ANK2: variants seen among roughly 807,000 people sequenced by gnomAD.
The protein encoded by ANK2 is ankyrin 2.
In ANK2, 83 loss-of-function variants were observed where a neutral mutation model predicts 360.5. The ratio of observed to expected loss-of-function variants is 0.23; its 90% confidence interval spans 0.19 to 0.28. The LOEUF (loss-of-function observed/expected upper bound fraction) is 0.28, where lower values mean the gene tolerates loss of function less well. Ranked by LOEUF, ANK2 falls within the 10% of genes least tolerant of loss-of-function variation. The pLI is 1.00. For missense variants in ANK2, 4,201 were observed against 4,795.7 expected (o/e 0.88, Z 3.66); for synonymous variants, 1,740 against 1,759.5 (o/e 0.99, Z 0.28).
chr4:113,261,215 CAGA>C (rs976404003), intron 13 of ANK2, among the ~76,000 whole-genome samples: 2 of 151,948 alleles, frequency 1.3e-5, no homozygotes, highest in Non-Finnish European at 2.9e-5. Context: ...TCTCCTTTTC[CAGA>C]AGGTTTATTA....
chr4:112,985,777 A>T (rs966040005), intron 2 of ANK2, among the ~76,000 whole-genome samples: 1 of 152,078 alleles, frequency 6.6e-6, no homozygotes, highest in African/African-American at 2.4e-5. Flanking sequence ...AGATTCAGGG[A>T]CAGTAGGCAT....
intron 37 of ANK2, among the ~76,000 whole-genome samples, 185 bp from the exon 38 acceptor site, chr4:113,352,860 T>TC (rs2095504943): frequency 6.6e-6 from 1 of 152,116 alleles, no homozygotes; most frequent in Admixed American, 6.6e-5. Flanking sequence ...GTTTTTTTTT[T>TC]CGTTAGCCTT....
intron 26 of ANK2, among the ~76,000 whole-genome samples, chr4:113,319,491 A>G (rs2084810264): frequency 6.6e-6 from 1 of 151,628 alleles, no homozygotes; most frequent in African/African-American, 2.4e-5. Context: ...TTATCCCCAA[A>G]TCCTTATCCA....
At chr4:113,062,382 C>T (rs142775980) in intron 1 of ANK2, among the ~76,000 whole-genome samples, 89 of 151,978 alleles carry the variant, frequency 5.9e-4, no homozygotes, top group African/African-American at 2.1e-3. Context: ...ATTTTTACTG[C>T]TTGAATTGGT....
intron 2 of ANK2, among the ~76,000 whole-genome samples, chr4:112,983,625 A>G (rs2043862775): frequency 6.6e-6 from 1 of 152,098 alleles, no homozygotes; most frequent in African/African-American, 2.4e-5. Flanking sequence ...TGGTGACCCA[A>G]GATCTCACCA....
At chr4:113,316,630 T>C (rs971364151) in intron 24 of ANK2, among the ~76,000 whole-genome samples, 24 of 152,266 alleles carry the variant, frequency 1.6e-4, no homozygotes, top group Non-Finnish European at 1.5e-5. Flanking sequence ...ATCTCCTTTT[T>C]TTCCCTTATG....
chr4:113,372,984 A>G (rs2096793036), intron 43 of ANK2, 106 bp from the exon 44 acceptor site: 3 of 1,012,900 alleles, frequency 3.0e-6, no homozygotes, highest in Admixed American at 1.7e-5. Flanking sequence ...ATGCTTCTCA[A>G]CATCGCCTTT....
chr4:112,917,859 A>C (rs1468131094), intron 2 of ANK2, among the ~76,000 whole-genome samples: 3 of 152,222 alleles, frequency 2.0e-5, no homozygotes, highest in Non-Finnish European at 4.4e-5. Flanking sequence ...GTGGGAACAA[A>C]ATACTAGCCA....
intron 2 of ANK2, among the ~76,000 whole-genome samples, chr4:112,994,456 C>G (rs1466000068): frequency 6.6e-6 from 1 of 152,138 alleles, no homozygotes; most frequent in Non-Finnish European, 1.5e-5. Context: ...GCTAGGTCAA[C>G]AATTCATAGG....
At chr4:113,310,284 C>CT (rs2079233203) in intron 23 of ANK2, among the ~76,000 whole-genome samples, 2 of 151,710 alleles carry the variant, frequency 1.3e-5, no homozygotes, top group Non-Finnish European at 2.9e-5. Context: ...TTAGGAGAAG[C>CT]AAGATGAAAT....
the ANK2 span, chr4:112,706,757 T>C: frequency 2.0e-5 from 3 of 152,294 alleles, no homozygotes; most frequent in South Asian, 6.2e-4. Flanking sequence ...TGCAGCCCTG[T>C]ATCCTGCATT....
chr4:112,999,807 AAAG>A (rs976060970), intron 2 of ANK2, among the ~76,000 whole-genome samples: 22 of 152,212 alleles, frequency 1.4e-4, no homozygotes, highest in African/African-American at 5.3e-4. Context: ...GCATCATTAG[AAAG>A]TTAATTTGAG....
intron 4 of ANK2, among the ~76,000 whole-genome samples, chr4:113,223,610 T>C (rs1385813254): frequency 6.6e-6 from 1 of 152,060 alleles, no homozygotes; most frequent in Non-Finnish European, 1.5e-5. Context: ...AATAAATGTC[T>C]AAGATATGAG....
rs1394956283 is a variant in ANK2 at position 113,354,714 on chromosome 4, A to G, written c.6096A>G (p.Glu2032=). The change falls in exon 38 of 46, where the codon GAA becomes GAG. Residue 2032 remains glutamate, a synonymous_variant. Transcript: ENST00000357077. ...AAGGTAAAGTTCGGGTAGAAAAAGA[A>G]AAGGGGCCGATACTAACCCAGAGAG... ...QEKGKVRVEK[E]KGPILTQREA... 2 of 1,613,936 alleles carry G rather than the reference A, an allele frequency of 1.2e-6. No homozygotes were observed. The highest frequency in any genetic ancestry group is 3.3e-5 in the Admixed American group (2 of 59,952).
chr4:113,157,003 C>T (rs1048026817), intron 1 of ANK2, among the ~76,000 whole-genome samples: 7 of 151,586 alleles, frequency 4.6e-5, no homozygotes, highest in Admixed American at 2.0e-4. Flanking sequence ...AGGGCATAGA[C>T]ATTTTGTAGT....
chr4:113,167,500 T>C (rs2097788470), intron 1 of ANK2, among the ~76,000 whole-genome samples: 1 of 152,020 alleles, frequency 6.6e-6, no homozygotes, highest in African/African-American at 2.4e-5. Flanking sequence ...GGTTTCACCA[T>C]GTTGGTCAGG....
intron 1 of ANK2, among the ~76,000 whole-genome samples, chr4:112,830,985 G>C (rs931713072): frequency 5.3e-5 from 8 of 152,200 alleles, no homozygotes; most frequent in African/African-American, 1.7e-4. Flanking sequence ...GGGTCCCCCA[G>C]CACTGCTGGC....
chr4:112,868,775 A>G (rs1283654016), intron 1 of ANK2, among the ~76,000 whole-genome samples: 1 of 152,200 alleles, frequency 6.6e-6, no homozygotes, highest in Non-Finnish European at 1.5e-5. Flanking sequence ...TGATATGTAT[A>G]TATACATTGT....
At chr4:112,875,899 C>G (rs192809780) in intron 1 of ANK2, among the ~76,000 whole-genome samples, 1 of 151,576 alleles carries the variant, frequency 6.6e-6, no homozygotes, top group African/African-American at 2.4e-5. Context: ...GGATCACCCT[C>G]CCTGGCTAAT....
Sources: gnomAD v4.1 joint callset for allele counts (sites outside exome capture counted in the v4.1 genomes callset) on GRCh38, gnomAD v4.1.1 for gene constraint, MANE v1.5 for transcripts, NCBI Gene and HGNC (gene_info 2026-07-23, HGNC 2026-07-21) for gene names.